The following REV1 variants were observed in gnomAD, a reference collection of about 807,000 sequenced individuals.
REV1 encodes the protein translesion synthesis protein REV1.
REV1 carries 42 observed loss-of-function variants against 137.4 expected under a neutral mutation model. The ratio of observed to expected loss-of-function variants is 0.31; its 90% CI spans 0.24 to 0.40. The LOEUF (loss-of-function observed/expected upper bound fraction) is 0.40. REV1 is among the 10% of genes least tolerant of loss of function. The pLI is 1.00. For missense variants in REV1, 1,282 were observed against 1,490.1 expected (o/e 0.86, Z 2.30); for synonymous variants, 524 against 519.2 (o/e 1.01, Z -0.12).
intron 15 of REV1, 111 bp from the exon 16 acceptor site, chr2:99,406,601 T>G: frequency 1.2e-6 from 1 of 840,982 alleles, no homozygotes. Flanking sequence ...ATCCTGTTTC[T>G]AGAATAAAGG....
chr2:99,419,891 T>TA (rs1207512710), intron 11 of REV1, among the ~76,000 whole-genome samples: 3 of 152,154 alleles, frequency 2.0e-5, no homozygotes, highest in African/African-American at 7.2e-5. Context: ...AGAAGACTTA[T>TA]ATAAACAGAG....
chr2:99,407,984 A>G, intron 15 of REV1, 45 bp downstream of exon 15: 2 of 1,202,450 alleles, frequency 1.7e-6, no homozygotes, highest in Non-Finnish European at 2.3e-6. Context: ...AAAATGAGAG[A>G]TACATTACAC....
At chr2:99,452,261 C>T (rs937213946) in intron 3 of REV1, among the ~76,000 whole-genome samples, 1 of 151,630 alleles carries the variant, frequency 6.6e-6, no homozygotes, top group Non-Finnish European at 1.5e-5. Context: ...CCTGTCTCTA[C>T]AAAATATGGA....
At chr2:99,468,008 C>T (rs1009022660) in intron 1 of REV1, among the ~76,000 whole-genome samples, 1 of 152,140 alleles carries the variant, frequency 6.6e-6, no homozygotes, top group Non-Finnish European at 1.5e-5. Flanking sequence ...TGGAGAAACC[C>T]TGTCTCTACT....
At position 99,442,550 on chromosome 2, in the gene REV1, G is replaced by T; in HGVS notation, c.351-81C>A. 2.3e-6 allele frequency: 3 copies of T among 1,305,288 alleles called. No individual in the cohort carries two copies. The South Asian group carries it at 3.8e-5, about 17-fold the overall frequency. The allele number at this position is 1,305,288 out of a possible 1,614,324, so 80.9% of individuals were successfully genotyped here. On this transcript the variant is annotated intron_variant, in intron 4 of 22. Transcript: ENST00000258428. ...ATGAAAAATATTCAATGTCCTTAAAGATACAGTATTTCACCAACAACAGGT... is the reference window on the plus strand; with the variant it reads ...ATGAAAAATATTCAATGTCCTTAAATATACAGTATTTCACCAACAACAGGT...
At chr2:99,462,463 T>G (rs760426620) in intron 3 of REV1, 33 bp downstream of exon 3, 3 of 1,570,642 alleles carry the variant, frequency 1.9e-6, no homozygotes, top group South Asian at 2.4e-5. Context: ...TAAAAATACA[T>G]GCCAAAATAG....
chr2:99,487,171 G>C (rs1236968438), intron 1 of REV1, among the ~76,000 whole-genome samples: 5 of 152,214 alleles, frequency 3.3e-5, no homozygotes, highest in Non-Finnish European at 7.3e-5. Flanking sequence ...CCGGCAAAAT[G>C]ACTATGGGAC....
At chr2:99,430,098 T>C (rs1679927106) in intron 8 of REV1, 150 bp from the exon 9 acceptor site, 2 of 463,452 alleles carry the variant, frequency 4.3e-6, no homozygotes, top group East Asian at 3.5e-5. Flanking sequence ...CCTTATCTAA[T>C]AAAAGAAAAC....
At chr2:99,415,708 T>A (rs1677762209) in intron 12 of REV1, among the ~76,000 whole-genome samples, 1 of 152,228 alleles carries the variant, frequency 6.6e-6, no homozygotes. Context: ...GCTACTGTAT[T>A]AGTGCAGACT....
intron 1 of REV1, among the ~76,000 whole-genome samples, chr2:99,486,919 A>G (rs945476485): frequency 6.0e-5 from 3 of 50,036 alleles, no homozygotes; most frequent in South Asian, 4.2e-4. Flanking sequence ...ATAAGTGGGA[A>G]AAAAAAAACA....
chr2:99,414,991 T>A (rs976708000), intron 12 of REV1, among the ~76,000 whole-genome samples: 2 of 152,166 alleles, frequency 1.3e-5, no homozygotes, highest in Admixed American at 1.3e-4. Flanking sequence ...CTAATCTAAG[T>A]GGACATCCCT....
intron 14 of REV1, 72 bp downstream of exon 14, chr2:99,410,623 C>T: frequency 7.5e-7 from 1 of 1,339,706 alleles, no homozygotes; most frequent in Non-Finnish European, 1.0e-6. Context: ...CCTTGGTTTT[C>T]TTCATTTTCT....
intron 13 of REV1, among the ~76,000 whole-genome samples, 167 bp downstream of exon 13, chr2:99,412,563 CT>C (rs1487597741): frequency 6.6e-6 from 1 of 152,124 alleles, no homozygotes; most frequent in Non-Finnish European, 1.5e-5. Flanking sequence ...TTATCTGGGG[CT>C]ACACCTTACC....
At position 99,438,935 on chromosome 2, in the gene REV1, G is replaced by C. The variant is rs1380135590; in HGVS notation, c.879C>G (p.His293Gln). Residue 293 changes from histidine to glutamine, a missense_variant, in exon 6 of 23, where the codon CAC becomes CAG. By Grantham distance (24) the His-to-Gln change is conservative. Coordinates refer to ENST00000258428, the MANE Select transcript of REV1 (RefSeq NM_016316.4). The part of the protein sequence containing the change: ...TRNTDALRNP[H>Q]RTNSFSLSPL... ...GTGATAATGAGAAAGAATTAGTTCT[G>C]TGTGGATTCCGCAAAGCATCTGTGT... The C allele has an allele frequency of 1.9e-6, 3 of 1,614,066 alleles. No individual in the cohort carries two copies. Among genetic ancestry groups the C allele is most frequent in the Non-Finnish European group, 2.5e-6 (3 of 1,180,022 alleles).
chr2:99,465,373 A>C (rs1390835752), intron 1 of REV1, among the ~76,000 whole-genome samples: 3 of 152,240 alleles, frequency 2.0e-5, no homozygotes, highest in African/African-American at 7.2e-5. Flanking sequence ...GTTGTCCTAT[A>C]GTGTGGCTTT....
intron 3 of REV1, among the ~76,000 whole-genome samples, chr2:99,458,849 C>T (rs978020200): frequency 3.3e-5 from 5 of 152,046 alleles, no homozygotes; most frequent in African/African-American, 1.2e-4. Flanking sequence ...TTAGTGGTTG[C>T]CAGGAGTTAA....
intron 1 of REV1, among the ~76,000 whole-genome samples, chr2:99,471,723 A>G (rs1445674655): frequency 6.6e-6 from 1 of 151,956 alleles, no homozygotes; most frequent in Non-Finnish European, 1.5e-5. Context: ...TAAACACACA[A>G]CGCCACTAAG....
chr2:99,402,353 AG>A lies in REV1; in HGVS notation c.3542-8del, dbSNP rs780709195. 34 of 1,399,464 alleles carry A rather than the reference AG, an allele frequency of 2.4e-5. No individual in the cohort carries two copies. In the East Asian group the frequency reaches 6.4e-4, roughly 27 times the overall value. 86.7% of individuals were successfully genotyped at this position (1,399,464 alleles called of 1,614,324 possible). ...ATGTCTTCTTCCATTGGATCTAGGA[AG>A]GGGGAAAAACTTCAAATGAGGACCA... On this transcript the variant is annotated splice_region_variant and splice_polypyrimidine_tract_variant and intron_variant, in intron 21 of 22. Coordinates refer to ENST00000258428, the MANE Select transcript of REV1 (RefSeq NM_016316.4).
Position 99,401,351 on chromosome 2 carries a change from G to A in REV1, c.3646C>T (p.Leu1216=). ...ACCGATTCCACCGATTGCTGCATCA[G>A]CCTAAAGGTGGGGAGAGAAGAAATG... ...LDLVIKYMKR[L]MQQSVESVWN... Residue 1216 remains leucine (L), a splice_region_variant and synonymous_variant, in exon 23 of 23, where the codon CTG becomes TTG. Coordinates refer to ENST00000258428, the MANE Select transcript of REV1 (RefSeq NM_016316.4). 1.2e-6 allele frequency: 2 copies of A among 1,603,958 alleles called. No homozygotes were observed. The highest frequency in any genetic ancestry group is 2.2e-5 in the East Asian group (1 of 44,810).
Sources: allele counts gnomAD v4.1 joint callset (sites outside exome capture counted in the v4.1 genomes callset), GRCh38; gene constraint gnomAD v4.1.1; transcripts MANE v1.5; gene names NCBI Gene and HGNC (gene_info 2026-07-23, HGNC 2026-07-21).